KCNG3: variants seen among roughly 807,000 people sequenced by gnomAD.
KCNG3 encodes potassium voltage-gated channel modifier subfamily G member 3.
Under a neutral mutation model 29.0 loss-of-function variants are expected in KCNG3, and 15 were observed. The observed-to-expected ratio is 0.52, with a 90% CI of 0.35 to 0.80. KCNG3 has a LOEUF of 0.80. Ranked by LOEUF, KCNG3 falls within the 30% of genes least tolerant of loss-of-function variation. The pLI is 0.01. For missense variants in KCNG3, 512 were observed against 605.7 expected (o/e 0.85, Z 1.62); for synonymous variants, 322 against 248.9 (o/e 1.29, Z -2.76).
chr2:42,431,061 A>G, the KCNG3 span, among the ~76,000 whole-genome samples: 97 of 151,290 alleles, frequency 6.4e-4, 1 homozygote, highest in East Asian at 0.012. Flanking sequence ...AGCCAAGATC[A>G]TGCCACTGCA....
chr2:42,444,124 A>C lies in KCNG3; in HGVS notation c.1121T>G (p.Val374Gly). The C allele has an allele frequency of 6.2e-7, 1 of 1,614,194 alleles. No homozygotes were observed. Residue 374 changes from valine (V) to glycine (G), a missense_variant, in exon 2 of 2, where the codon GTT becomes GGT. This residue lies in a region of KCNG3 where 173 missense variants were observed against 262.4 expected (regional missense o/e 0.66). Transcript: ENST00000306078. The surrounding 1 kb of genome is among the most constrained non-coding windows in gnomAD (Gnocchi z 5.8). ...GATAGGATACATATCTCCATAGCCA[A>C]CTGTAGTCATAGAGATAATCACCCA... ...CWWVIISMTT[V>G]GYGDMYPITV...
intron 1 of KCNG3, among the ~76,000 whole-genome samples, chr2:42,482,763 T>C (rs1368414784): frequency 6.6e-6 from 1 of 152,078 alleles, no homozygotes; most frequent in South Asian, 2.1e-4. Context: ...ATGGTGACGG[T>C]TGCACAATCT....
At chr2:42,460,230 G>A (rs1470164401) in intron 1 of KCNG3, among the ~76,000 whole-genome samples, 4 of 151,372 alleles carry the variant, frequency 2.6e-5, no homozygotes, top group South Asian at 4.2e-4. Flanking sequence ...GATGGTGCAC[G>A]CCTGTAGCCC....
intron 1 of KCNG3, among the ~76,000 whole-genome samples, chr2:42,486,984 C>T (rs1031712600): frequency 4.6e-5 from 7 of 151,714 alleles, no homozygotes; most frequent in Non-Finnish European, 1.0e-4. Context: ...TGGTTAAACC[C>T]CATCTCTACT....
At chr2:42,393,411 A>C in the KCNG3 span, among the ~76,000 whole-genome samples, 1 of 152,008 alleles carries the variant, frequency 6.6e-6, no homozygotes, top group Non-Finnish European at 1.5e-5. Flanking sequence ...AAATACAAAA[A>C]TGAGCCGGGC....
the KCNG3 span, among the ~76,000 whole-genome samples, chr2:42,432,937 A>T: frequency 8.6e-4 from 31 of 36,200 alleles, no homozygotes; most frequent in South Asian, 0.015. Context: ...TTTATGATAA[A>T]AAAAAAAAAA....
chr2:42,488,942 G>C (rs1407379703), intron 1 of KCNG3, among the ~76,000 whole-genome samples: 2 of 152,132 alleles, frequency 1.3e-5, no homozygotes, highest in East Asian at 2.0e-4. Flanking sequence ...TATGGTGCCT[G>C]AATAGCAATT....
At chr2:42,478,546 T>C (rs1159801967) in intron 1 of KCNG3, among the ~76,000 whole-genome samples, 1 of 151,878 alleles carries the variant, frequency 6.6e-6, no homozygotes, top group Admixed American at 6.6e-5. Flanking sequence ...AAGACATTCT[T>C]AGGTAAAGCT....
the KCNG3 span, among the ~76,000 whole-genome samples, chr2:42,410,221 G>A: frequency 2.6e-5 from 4 of 152,008 alleles, no homozygotes; most frequent in East Asian, 1.9e-4. Context: ...GGGGGCAATC[G>A]GATTATTTAC....
At chr2:42,428,578 A>C in the KCNG3 span, among the ~76,000 whole-genome samples, 2 of 152,192 alleles carry the variant, frequency 1.3e-5, no homozygotes, top group Non-Finnish European at 2.9e-5. Flanking sequence ...TAATAATTTA[A>C]TCAAGCACTC....
chr2:42,408,770 AAC>A, the KCNG3 span, among the ~76,000 whole-genome samples: 1 of 152,216 alleles, frequency 6.6e-6, no homozygotes, highest in African/African-American at 2.4e-5. Context: ...AAAGAGCTGT[AAC>A]ACAAACAGGG....
chr2:42,486,389 T>C (rs781380829), intron 1 of KCNG3, among the ~76,000 whole-genome samples: 5 of 152,244 alleles, frequency 3.3e-5, no homozygotes, highest in Admixed American at 6.5e-5. Flanking sequence ...CCACATCTGC[T>C]GTTGACCCTC....
At chr2:42,458,818 C>T (rs1404706736) in intron 1 of KCNG3, among the ~76,000 whole-genome samples, 1 of 151,170 alleles carries the variant, frequency 6.6e-6, no homozygotes, top group Non-Finnish European at 1.5e-5. Flanking sequence ...AAAAAGGAAC[C>T]TCAGGAAGAA....
the KCNG3 span, among the ~76,000 whole-genome samples, chr2:42,421,755 T>A: frequency 1.3e-5 from 2 of 152,136 alleles, no homozygotes; most frequent in East Asian, 3.9e-4. Flanking sequence ...CATCAACAAA[T>A]TATCTTAGTC....
the KCNG3 span, among the ~76,000 whole-genome samples, chr2:42,411,382 C>T: frequency 6.6e-6 from 1 of 152,110 alleles, no homozygotes; most frequent in African/African-American, 2.4e-5. Flanking sequence ...CTTTATGAGG[C>T]TTAGTCTTCT....
the KCNG3 span, among the ~76,000 whole-genome samples, chr2:42,403,867 C>T: frequency 6.6e-6 from 1 of 152,140 alleles, no homozygotes; most frequent in Non-Finnish European, 1.5e-5. Context: ...TCCCAAAGTG[C>T]TGGGATTACG....
downstream of KCNG3, among the ~76,000 whole-genome samples, chr2:42,441,677 C>CT (rs1452149534): frequency 4.8e-5 from 1 of 20,700 alleles, no homozygotes; most frequent in Non-Finnish European, 1.3e-4. Context: ...AGCATGAAGT[C>CT]TGTGTGTATA....
At chr2:42,438,513 T>C (rs550826475), downstream of KCNG3, among the ~76,000 whole-genome samples, 2 of 152,358 alleles carry the variant, frequency 1.3e-5, no homozygotes, top group Non-Finnish European at 2.9e-5. Flanking sequence ...CTAAATGTTA[T>C]ATTTGGTATA....
At chr2:42,424,972 A>G in the KCNG3 span, 1 of 152,080 alleles carries the variant, frequency 6.6e-6, no homozygotes, top group Non-Finnish European at 1.5e-5. Flanking sequence ...GGTGATTTTC[A>G]CAGTTAAGTC....
Sources: allele counts gnomAD v4.1 joint callset (sites outside exome capture counted in the v4.1 genomes callset), GRCh38; gene constraint gnomAD v4.1.1; regional missense constraint gnomAD v4.1.1; non-coding constraint Gnocchi (gnomAD v3.1); transcripts MANE v1.5; gene names NCBI Gene and HGNC (gene_info 2026-07-23, HGNC 2026-07-21).